The following MALRD1 variants were observed in gnomAD, a reference collection of about 807,000 sequenced individuals.
MALRD1 encodes MAM and LDL-receptor class A domain-containing protein 1.
A neutral mutation model predicts 242.1 loss-of-function variants in MALRD1; 247 were observed. That is an observed-to-expected ratio of 1.02 (90% confidence interval 0.92 to 1.13). The LOEUF is 1.13. MALRD1 is among the 50% of genes most tolerant of loss of function. The pLI, the probability that MALRD1 is intolerant of heterozygous loss-of-function variation, is 0.00. For missense variants in MALRD1, 2,989 were observed against 2,533.1 expected (o/e 1.18, Z -3.86); for synonymous variants, 995 against 866.6 (o/e 1.15, Z -2.60).
chr10:19,087,022 A>G (rs1475195472), intron 2 of MALRD1, among the ~76,000 whole-genome samples: 1 of 151,998 alleles, frequency 6.6e-6, no homozygotes, highest in Non-Finnish European at 1.5e-5. Context: ...GGCCCATTGT[A>G]TGAGTGTGAA....
intron 32 of MALRD1, among the ~76,000 whole-genome samples, chr10:19,562,070 G>A (rs1395464183): frequency 6.6e-6 from 1 of 152,134 alleles, no homozygotes; most frequent in Non-Finnish European, 1.5e-5. Context: ...GGCCAAGGTG[G>A]GTGGATCACA....
chr10:19,087,545 T>C (rs969467742), intron 2 of MALRD1, among the ~76,000 whole-genome samples: 2 of 97,544 alleles, frequency 2.1e-5, no homozygotes, highest in African/African-American at 1.2e-4. Flanking sequence ...TTGTCTCGTT[T>C]CTTTTTTTTT....
At chr10:19,305,060 C>T (rs1842105334) in intron 21 of MALRD1, among the ~76,000 whole-genome samples, 1 of 151,700 alleles carries the variant, frequency 6.6e-6, no homozygotes. Flanking sequence ...CATAGCATTA[C>T]TATGCAAATC....
At chr10:19,648,218 C>T (rs568278987) in intron 36 of MALRD1, among the ~76,000 whole-genome samples, 1 of 152,248 alleles carries the variant, frequency 6.6e-6, no homozygotes, top group South Asian at 2.1e-4. Flanking sequence ...TGTTGGAAGT[C>T]CAACATGACC....
intron 14 of MALRD1, among the ~76,000 whole-genome samples, chr10:19,182,324 ATTTTT>A (rs34790120): frequency 3.7e-5 from 3 of 81,960 alleles, no homozygotes; most frequent in South Asian, 9.4e-4. Context: ...CAAAACCTAC[ATTTTT>A]TTTTTTTTTT....
At chr10:19,602,458 T>TC (rs1239391944) in intron 34 of MALRD1, among the ~76,000 whole-genome samples, 2 of 151,218 alleles carry the variant, frequency 1.3e-5, no homozygotes, top group African/African-American at 4.9e-5. Context: ...TGTTTTTTTT[T>TC]CCTTGCGATA....
intron 26 of MALRD1, among the ~76,000 whole-genome samples, chr10:19,382,543 T>C (rs933869609): frequency 2.0e-5 from 3 of 152,222 alleles, no homozygotes; most frequent in African/African-American, 7.2e-5. Context: ...ATTTTTATAA[T>C]AGAAGTTTTA....
chr10:19,505,384 G>A (rs1404826581), intron 31 of MALRD1, among the ~76,000 whole-genome samples: 3 of 152,030 alleles, frequency 2.0e-5, no homozygotes, highest in Admixed American at 2.0e-4. Context: ...TAGTTCAATA[G>A]GACTGTTGTC....
intron 36 of MALRD1, among the ~76,000 whole-genome samples, chr10:19,691,312 A>T (rs748277280): frequency 6.6e-6 from 1 of 152,056 alleles, no homozygotes; most frequent in African/African-American, 2.4e-5. Context: ...CGCTTTTTAT[A>T]TTTAAAGAAG....
At chr10:19,583,889 C>T (rs1057053016) in intron 33 of MALRD1, among the ~76,000 whole-genome samples, 4 of 152,092 alleles carry the variant, frequency 2.6e-5, no homozygotes, top group Admixed American at 2.6e-4. Context: ...TTGATTATTG[C>T]CACAATTTCA....
At chr10:19,654,777 A>G (rs1381017048) in intron 36 of MALRD1, among the ~76,000 whole-genome samples, 1 of 152,174 alleles carries the variant, frequency 6.6e-6, no homozygotes, top group African/African-American at 2.4e-5. Flanking sequence ...CAGAAGGGAA[A>G]TCAGGAAGTG....
intron 18 of MALRD1, among the ~76,000 whole-genome samples, chr10:19,213,296 A>G (rs544118154): frequency 1.3e-5 from 2 of 152,204 alleles, no homozygotes; most frequent in South Asian, 2.1e-4. Flanking sequence ...TTGTCTCTCT[A>G]TATTTTATTT....
intron 29 of MALRD1, among the ~76,000 whole-genome samples, chr10:19,455,519 T>A (rs1835600980): frequency 6.6e-6 from 1 of 152,174 alleles, no homozygotes; most frequent in South Asian, 2.1e-4. Flanking sequence ...GCCTTATGTT[T>A]TTCATCTATA....
chr10:19,282,139 C>T (rs1384315755), intron 20 of MALRD1, among the ~76,000 whole-genome samples: 1 of 152,110 alleles, frequency 6.6e-6, no homozygotes, highest in Non-Finnish European at 1.5e-5. Context: ...TAAAAGCCTA[C>T]AAATTATATA....
intron 29 of MALRD1, among the ~76,000 whole-genome samples, chr10:19,472,841 A>T (rs552256507): frequency 8.5e-4 from 129 of 151,504 alleles, no homozygotes; most frequent in African/African-American, 3.0e-3. Context: ...ACAAACTTGT[A>T]GTTTTTTTAT....
Position 19,730,218 on chromosome 10 carries a change from A to G in MALRD1, c.6315-488A>G, listed in dbSNP as rs77551938. Among the ~76,000 whole-genome samples the G allele has an allele frequency of 2.4e-3, 362 of 152,344 alleles. 10 individuals carry two copies. In the East Asian group the frequency reaches 0.051, roughly 22 times the overall value. On this transcript the variant is annotated intron_variant, in intron 38 of 39. Coordinates refer to ENST00000454679, the MANE Select transcript of MALRD1 (RefSeq NM_001142308.3). ...AAAACAGTTGTATTTAAATTTGCTG[A>G]TTAAAATGTTAAAGACTATGACTCA...
At position 19,304,489 on chromosome 10, in the gene MALRD1, T is replaced by C. The variant is rs1025015986; in HGVS notation, c.3420-19460T>C. On this transcript the variant is annotated intron_variant, in intron 21 of 39. Transcript: ENST00000454679. ...CATTTGTACAAGTCAAATATATTCC[T>C]TAGCGCTTGCATTAAGTTGGTATTA... 4.0e-5 allele frequency among the ~76,000 whole-genome samples: 6 copies of C among 151,748 alleles called. No homozygotes were observed. The East Asian group carries it at 1.2e-3, about 29-fold the overall frequency.
chr10:19,483,207 A>G (rs1472556883), intron 29 of MALRD1, among the ~76,000 whole-genome samples: 2 of 6,268 alleles, frequency 3.2e-4, no homozygotes, highest in African/African-American at 3.3e-3. Context: ...AGAATCCTAG[A>G]AAAAAAAAAA....
At chr10:19,113,162 A>G (rs1012474590) in intron 5 of MALRD1, among the ~76,000 whole-genome samples, 2 of 152,074 alleles carry the variant, frequency 1.3e-5, no homozygotes, top group Non-Finnish European at 1.5e-5. Flanking sequence ...ATTATACTTT[A>G]TAACAGACAC....
Sources: gnomAD v4.1 joint callset for allele counts (sites outside exome capture counted in the v4.1 genomes callset) on GRCh38, gnomAD v4.1.1 for gene constraint, MANE v1.5 for transcripts, NCBI Gene and HGNC (gene_info 2026-07-23, HGNC 2026-07-21) for gene names.